The following CPQ variants were observed in gnomAD, a reference collection of about 807,000 sequenced individuals.
CPQ encodes the protein carboxypeptidase Q.
Under a neutral mutation model 45.7 loss-of-function variants are expected in CPQ, and 37 were observed. The ratio of observed to expected loss-of-function variants is 0.81; its 90% CI spans 0.62 to 1.07. The LOEUF is 1.07. Among genes scored for constraint, CPQ ranks in the 50% least tolerant of loss-of-function variants. The pLI is 0.00. For synonymous variants in CPQ, 186 were observed against 205.8 expected (o/e 0.90, Z 0.82); for missense variants, 537 against 572.9 (o/e 0.94, Z 0.64).
chr8:97,017,835 T>C (rs926145216), intron 5 of CPQ, among the ~76,000 whole-genome samples: 1 of 151,536 alleles, frequency 6.6e-6, no homozygotes, highest in Non-Finnish European at 1.5e-5. Flanking sequence ...GCATATACTC[T>C]TGGCAGTTCT....
chr8:97,062,938 C>T (rs112420295), intron 6 of CPQ, among the ~76,000 whole-genome samples: 3,148 of 152,224 alleles, frequency 0.021, 104 homozygotes, highest in African/African-American at 0.067. Context: ...TAAACATACA[C>T]ATGCATGTGT....
chr8:96,660,370 A>G (rs1815685601), intron 1 of CPQ, among the ~76,000 whole-genome samples: 2 of 152,138 alleles, frequency 1.3e-5, no homozygotes, highest in Non-Finnish European at 2.9e-5. Context: ...GCCCACCCTG[A>G]TAGTCTCATT....
chr8:96,783,480 A>G (rs1810718998), intron 1 of CPQ, among the ~76,000 whole-genome samples: 1 of 152,146 alleles, frequency 6.6e-6, no homozygotes, highest in South Asian at 2.1e-4. Context: ...AGGAGACACA[A>G]ACCCCTTCCT....
chr8:96,936,820 G>A (rs940394628), intron 4 of CPQ, among the ~76,000 whole-genome samples: 1 of 152,180 alleles, frequency 6.6e-6, no homozygotes, highest in African/African-American at 2.4e-5. Context: ...AAGGTTCTCA[G>A]TAAGCATATG....
At chr8:96,874,725 C>T (rs1190498231) in intron 3 of CPQ, among the ~76,000 whole-genome samples, 1 of 151,738 alleles carries the variant, frequency 6.6e-6, no homozygotes, top group Non-Finnish European at 1.5e-5. Flanking sequence ...ATTTTGTTTA[C>T]ACATTTATCA....
At chr8:96,833,915 G>T (rs1563508570) in intron 2 of CPQ, among the ~76,000 whole-genome samples, 1 of 152,110 alleles carries the variant, frequency 6.6e-6, no homozygotes, top group African/African-American at 2.4e-5. Context: ...GTTAACATTT[G>T]TTAAGCTTTC....
intron 1 of CPQ, among the ~76,000 whole-genome samples, chr8:96,679,758 T>C (rs1397606835): frequency 6.6e-6 from 1 of 151,550 alleles, no homozygotes; most frequent in Non-Finnish European, 1.5e-5. Context: ...CCAGTTGCAA[T>C]GTCTCCTTTT....
intron 4 of CPQ, among the ~76,000 whole-genome samples, chr8:96,921,338 A>G (rs1812803431): frequency 6.6e-6 from 1 of 152,216 alleles, no homozygotes; most frequent in African/African-American, 2.4e-5. Flanking sequence ...TGAAGAAAAC[A>G]ACAAATTTGC....
rs141202237 is a variant in CPQ at position 96,665,954 on chromosome 8, C to T, written c.-35+20552C>T. On this transcript the variant is annotated intron_variant, in intron 1 of 7. Transcript: ENST00000220763. ...TGCCAATGGAAAATATAATTTGTTA[C>T]TCATATCTCCTATGATATGGGGGCA... Among the ~76,000 whole-genome samples the T allele has an allele frequency of 3.7e-4, 56 of 152,234 alleles. No individual in the cohort carries two copies. In the East Asian group the frequency reaches 0.01, roughly 28 times the overall value.
chr8:96,979,050 T>TAA (rs33942399), intron 5 of CPQ, among the ~76,000 whole-genome samples: 10,380 of 142,050 alleles, frequency 0.073, 483 homozygotes, highest in East Asian at 0.15. Context: ...TAGGAAGTGG[T>TAA]AAAAAAAAAA....
chr8:96,970,843 G>A (rs181210741), intron 5 of CPQ, among the ~76,000 whole-genome samples: 1,678 of 152,244 alleles, frequency 0.011, 25 homozygotes, highest in African/African-American at 0.038. Flanking sequence ...GATTACAGGC[G>A]TGAGCCACCG....
rs147697291 is a variant in CPQ at position 96,941,890 on chromosome 8, AT to A, written c.850-24040del. On this transcript the variant is annotated intron_variant, in intron 4 of 7. Transcript: ENST00000220763. Reference sequence around the variant, plus strand: ...ATGAATTAAATGTAGTCATTTTTATATTTTTAAATATAGCAATGCAAGAAAA... The same window carrying A: ...ATGAATTAAATGTAGTCATTTTTATATTTTAAATATAGCAATGCAAGAAAA... Among the ~76,000 whole-genome samples the A allele has an allele frequency of 2.7e-3, 406 of 152,274 alleles. 11 individuals carry two copies. The East Asian group carries it at 0.067, about 25-fold the overall frequency.
At chr8:97,118,131 T>C (rs1165059571) in intron 7 of CPQ, among the ~76,000 whole-genome samples, 1 of 152,236 alleles carries the variant, frequency 6.6e-6, no homozygotes, top group Non-Finnish European at 1.5e-5. Flanking sequence ...TTATTTAGTA[T>C]TGAGGTACCT....
intron 2 of CPQ, among the ~76,000 whole-genome samples, chr8:96,794,946 G>A (rs1218326440): frequency 6.6e-6 from 1 of 152,100 alleles, no homozygotes; most frequent in African/African-American, 2.4e-5. Flanking sequence ...TGAGCATTTT[G>A]GTCAAAGCCA....
chr8:96,908,884 TC>T (rs1457970250), intron 4 of CPQ, among the ~76,000 whole-genome samples: 4 of 152,140 alleles, frequency 2.6e-5, no homozygotes, highest in Non-Finnish European at 4.4e-5. Flanking sequence ...CCCATAGGAT[TC>T]TGGAATTTTT....
intron 7 of CPQ, among the ~76,000 whole-genome samples, chr8:97,127,981 T>C (rs1250402712): frequency 2.0e-5 from 3 of 151,900 alleles, no homozygotes; most frequent in African/African-American, 2.4e-5. Flanking sequence ...TTTTTAGGAG[T>C]GATGGAAATG....
At chr8:96,856,822 G>C (rs372360105) in intron 3 of CPQ, among the ~76,000 whole-genome samples, 2 of 152,222 alleles carry the variant, frequency 1.3e-5, no homozygotes, top group East Asian at 3.8e-4. Context: ...TTCTCTAGTG[G>C]TTCTGTTATT....
At chr8:96,851,153 C>G (rs540793309) in intron 3 of CPQ, among the ~76,000 whole-genome samples, 2 of 152,264 alleles carry the variant, frequency 1.3e-5, no homozygotes, top group South Asian at 4.1e-4. Flanking sequence ...ACATTTTACA[C>G]CTGAGTAACT....
chr8:97,085,632 G>T (rs907392864), intron 7 of CPQ, among the ~76,000 whole-genome samples: 1 of 152,068 alleles, frequency 6.6e-6, no homozygotes, highest in African/African-American at 2.4e-5. Context: ...TTAATATTGG[G>T]TATGCATGAC....
Sources: gnomAD v4.1 joint callset for allele counts (sites outside exome capture counted in the v4.1 genomes callset) on GRCh38, gnomAD v4.1.1 for gene constraint, MANE v1.5 for transcripts, NCBI Gene and HGNC (gene_info 2026-07-23, HGNC 2026-07-21) for gene names.